Variants in GNG7 observed in about 807,000 individuals in gnomAD.
GNG7 encodes guanine nucleotide-binding protein G(I)/G(S)/G(O) subunit gamma-7.
In GNG7, 1 loss-of-function variant was observed where a neutral mutation model predicts 4.0. That is an observed-to-expected ratio of 0.25 (90% CI 0.09 to 1.18). The LOEUF is 1.18. Among genes scored for constraint, GNG7 ranks in the 50% most tolerant of loss-of-function variants. The pLI is 0.50. For missense variants in GNG7, 86 were observed against 91.9 expected (o/e 0.94, Z 0.26); for synonymous variants, 34 against 36.9 (o/e 0.92, Z 0.29).
chr19:2,547,073 T>TGC (rs1365308122), intron 3 of GNG7, among the ~76,000 whole-genome samples: 1 of 144,524 alleles, frequency 6.9e-6, no homozygotes, highest in African/African-American at 2.7e-5. Flanking sequence ...TCTCCACGCA[T>TGC]GCCCCCCCCC....
intron 1 of GNG7, chr19:2,700,610 T>C (rs1296188397): frequency 6.6e-6 from 1 of 152,162 alleles, no homozygotes; most frequent in Non-Finnish European, 1.5e-5. Flanking sequence ...ATTGAGTCCA[T>C]TATTCTCCAT....
intron 2 of GNG7, among the ~76,000 whole-genome samples, chr19:2,573,336 G>T (rs1942045812): frequency 6.6e-6 from 1 of 151,962 alleles, no homozygotes; most frequent in South Asian, 2.1e-4. Flanking sequence ...CTTCCTTCAT[G>T]AAATAGGTAT....
chr19:2,655,500 C>T (rs987790705), intron 1 of GNG7, among the ~76,000 whole-genome samples: 8 of 151,888 alleles, frequency 5.3e-5, no homozygotes, highest in South Asian at 2.1e-4. Flanking sequence ...ATCACGAGTT[C>T]GAGACCAGCC....
chr19:2,676,781 A>G (rs6510694), intron 1 of GNG7, among the ~76,000 whole-genome samples: 48,537 of 151,842 alleles, frequency 0.32, 8,933 homozygotes, highest in East Asian at 0.56. Flanking sequence ...AGCTTGCACC[A>G]CTTCCTAGAC....
Position 2,511,780 on chromosome 19 carries a change from C to T in GNG7, c.*3242G>A. 1.0e-6 allele frequency: 1 copy of T among 985,432 alleles called. No individual in the cohort carries two copies. Among genetic ancestry groups the T allele is most frequent in the Non-Finnish European group, 1.2e-6 (1 of 829,514 alleles). The allele number at this position is 985,432 out of a possible 1,614,324, so 61.0% of individuals were successfully genotyped here. ...AGCACCTTCCGCCCTGGCCCAGCCG[C>T]CCCGTTTATGTCCCCAGAGGCCAGA... On this transcript the variant is annotated 3_prime_UTR_variant, in exon 5 of 5. Coordinates refer to ENST00000382159, the MANE Select transcript of GNG7 (RefSeq NM_052847.3). The surrounding 1 kb of genome is among the most constrained non-coding windows in gnomAD (Gnocchi z 6.3).
chr19:2,689,399 G>A (rs977120307), intron 1 of GNG7, among the ~76,000 whole-genome samples: 1 of 151,824 alleles, frequency 6.6e-6, no homozygotes, highest in South Asian at 2.1e-4. Context: ...AAGGCGGGTG[G>A]ATCACCTGAG....
rs779497111 is a variant in GNG7 at position 2,571,588 on chromosome 19, C to CTTTTTTT, written c.-77-16407_-77-16401dup. Among the ~76,000 whole-genome samples the CTTTTTTT allele has an allele frequency of 1.5e-3, 102 of 68,012 alleles. 3 individuals carry two copies. Among genetic ancestry groups the CTTTTTTT allele is most frequent in the Non-Finnish European group, 1.8e-3 (68 of 38,744 alleles). 44.6% of individuals were successfully genotyped at this position (68,012 alleles called of 152,430 possible). A position where few individuals can be genotyped will look rare whatever the true frequency, so the allele number is the denominator to read the frequency against. On this transcript the variant is annotated intron_variant, in intron 2 of 4. Coordinates refer to ENST00000382159, the MANE Select transcript of GNG7 (RefSeq NM_052847.3). ...GGTCACTTTTCTTTTCATTTCTTTC[C>CTTTTTTT]TTTTTTTTTTTTTTTTTTTTTTTTT...
At position 2,535,318 on chromosome 19, in the gene GNG7, G is replaced by A. The variant is rs570071857; in HGVS notation, c.-37-14593C>T. Among the ~76,000 whole-genome samples, 6 of 89,164 alleles carry A rather than the reference G, an allele frequency of 6.7e-5. No individual in the cohort carries two copies. The East Asian group carries it at 1.9e-3, about 28-fold the overall frequency. The allele number at this position is 89,164 out of a possible 152,430, so 58.5% of individuals were successfully genotyped here. ...AGCCTGGGCAACATGGCAAAACCTT[G>A]ACTCTACAAAAAAAAAAAAAAAATA... On this transcript the variant is annotated intron_variant, in intron 3 of 4. Coordinates refer to ENST00000382159, the MANE Select transcript of GNG7 (RefSeq NM_052847.3).
At chr19:2,556,788 G>A (rs902005464) in intron 2 of GNG7, among the ~76,000 whole-genome samples, 1 of 152,118 alleles carries the variant, frequency 6.6e-6, no homozygotes, top group Non-Finnish European at 1.5e-5. Flanking sequence ...GGACACCAGC[G>A]CCGGATTGTT....
chr19:2,568,883 C>G (rs1473169436), intron 2 of GNG7, among the ~76,000 whole-genome samples: 1 of 152,050 alleles, frequency 6.6e-6, no homozygotes, highest in Non-Finnish European at 1.5e-5. Flanking sequence ...CACACATACT[C>G]ATGTGCACAC....
chr19:2,528,008 C>A (rs1978465209), intron 3 of GNG7, among the ~76,000 whole-genome samples: 2 of 152,114 alleles, frequency 1.3e-5, no homozygotes, highest in African/African-American at 4.8e-5. Flanking sequence ...TGGCTCATGC[C>A]TGTAATCCCA....
At chr19:2,588,845 T>C (rs773992013) in intron 2 of GNG7, among the ~76,000 whole-genome samples, 1 of 152,182 alleles carries the variant, frequency 6.6e-6, no homozygotes, top group Non-Finnish European at 1.5e-5. Context: ...CCTTGCTTTG[T>C]CTTCGTGGTG....
chr19:2,626,250 G>A lies in GNG7; in HGVS notation c.-78+19974C>T, dbSNP rs371823692. The stretch of plus-strand genomic sequence containing the variant: ...CTGCTCCCGCCCCAGGCCTGAAGCC[G>A]GCCCCCTGCCCCAAACCAGCCTGAC... On this transcript the variant is annotated intron_variant, in intron 2 of 4. Coordinates refer to ENST00000382159, the MANE Select transcript of GNG7 (RefSeq NM_052847.3). This position sits in a 1 kb window ranked among gnomAD's most constrained non-coding sequence, Gnocchi z 5.0. Among the ~76,000 whole-genome samples the A allele has an allele frequency of 1.8e-4, 27 of 152,240 alleles. No individual in the cohort carries two copies. In the South Asian group the frequency reaches 2.1e-3, roughly 12 times the overall value.
At position 2,542,518 on chromosome 19, in the gene GNG7, A is replaced by C. The variant is rs1032438530; in HGVS notation, c.-38+12631T>G. Among the ~76,000 whole-genome samples the C allele has an allele frequency of 5.9e-5, 9 of 152,240 alleles. No individual in the cohort carries two copies. In the East Asian group the frequency reaches 1.5e-3, roughly 26 times the overall value. On this transcript the variant is annotated intron_variant, in intron 3 of 4. Coordinates refer to ENST00000382159, the MANE Select transcript of GNG7 (RefSeq NM_052847.3). Reference sequence around the variant, plus strand: ...CTGCAAGGAAGTGAATTCAGGAAGAACCTGAATGAGCTGGGGACGACAACT... The same window carrying C: ...CTGCAAGGAAGTGAATTCAGGAAGACCCTGAATGAGCTGGGGACGACAACT...
At chr19:2,591,755 G>GA (rs1367691227) in intron 2 of GNG7, among the ~76,000 whole-genome samples, 2 of 152,052 alleles carry the variant, frequency 1.3e-5, no homozygotes, top group Non-Finnish European at 2.9e-5. Context: ...AAATCAATAA[G>GA]AAAAACTCAA....
chr19:2,604,960 TAAC>T (rs1425917710), intron 2 of GNG7, among the ~76,000 whole-genome samples: 1 of 152,202 alleles, frequency 6.6e-6, no homozygotes, highest in East Asian at 1.9e-4. Context: ...GAAGCCGCTA[TAAC>T]AAGTCACACG....
intron 1 of GNG7, among the ~76,000 whole-genome samples, chr19:2,667,570 G>A (rs898828531): frequency 7.9e-5 from 12 of 152,272 alleles, no homozygotes; most frequent in Admixed American, 5.9e-4. Context: ...CTTCAGGCCA[G>A]GAGTTCAAGA....
At chr19:2,521,411 C>G (rs1335917106) in intron 3 of GNG7, among the ~76,000 whole-genome samples, 1 of 152,164 alleles carries the variant, frequency 6.6e-6, no homozygotes, top group Non-Finnish European at 1.5e-5. Context: ...TGGGTGATAT[C>G]TGGGGACATC....
rs1294558407 is a variant in GNG7 at position 2,633,485 on chromosome 19, G to GCACACACACACA, written c.-78+12738_-78+12739insTGTGTGTGTGTG. On this transcript the variant is annotated intron_variant, in intron 2 of 4. Coordinates refer to ENST00000382159, the MANE Select transcript of GNG7 (RefSeq NM_052847.3). This position sits in a 1 kb window ranked among gnomAD's most constrained non-coding sequence, Gnocchi z 5.9. Reference sequence around the variant, plus strand: ...CTTAGCAACAGGCGCGCGCGCGCGCGCGCACACACACACACACACACACAC... The same window carrying GCACACACACACA: ...CTTAGCAACAGGCGCGCGCGCGCGCGCACACACACACACGCACACACACACACACACACACAC... Among the ~76,000 whole-genome samples the GCACACACACACA allele has an allele frequency of 1.5e-4, 20 of 131,912 alleles. No homozygotes were observed. The highest frequency in any genetic ancestry group is 5.1e-4 in the South Asian group (2 of 3,946). The allele number at this position is 131,912 out of a possible 152,430, so 86.5% of individuals were successfully genotyped here.
Sources: gnomAD v4.1 joint callset for allele counts (sites outside exome capture counted in the v4.1 genomes callset) on GRCh38, gnomAD v4.1.1 for gene constraint, Gnocchi (gnomAD v3.1) non-coding constraint, MANE v1.5 for transcripts, NCBI Gene and HGNC (gene_info 2026-07-23, HGNC 2026-07-21) for gene names.